Variants in RNPEPL1 observed in about 807,000 individuals in gnomAD.
RNPEPL1 encodes the protein aminopeptidase RNPEPL1.
Under a neutral mutation model 69.0 loss-of-function variants are expected in RNPEPL1, and 46 were observed. That is an observed-to-expected ratio of 0.67 (90% confidence interval 0.53 to 0.85). The LOEUF (loss-of-function observed/expected upper bound fraction) is 0.85, where lower values mean the gene tolerates loss of function less well. RNPEPL1 is among the 40% of genes least tolerant of loss of function. RNPEPL1 has a pLI of 0.00. For synonymous variants in RNPEPL1, 525 were observed against 454.1 expected (o/e 1.16, Z -1.98); for missense variants, 869 against 992.5 (o/e 0.88, Z 1.67).
chr2:240,573,779 C>T lies in RNPEPL1; in HGVS notation c.826C>T (p.Arg276Cys), dbSNP rs765362932. 5.2e-6 allele frequency: 8 copies of T among 1,537,430 alleles called. No individual in the cohort carries two copies. The South Asian group carries it at 7.3e-5, about 14-fold the overall frequency. ...LKPADIGPRS[R>C]VWAEPCLLPT... ...CACCCTCTCTGCATGCACCAGGAGC[C>T]GCGTGTGGGCCGAGCCATGCCTCCT... The change falls in exon 4 of 11, where the codon CGC (arginine) becomes TGC (cysteine). Residue 276 changes from arginine (R) to cysteine (C), a missense_variant. Arg to Cys is a radical substitution (Grantham distance 180). Transcript: ENST00000270357.
intron 10 of RNPEPL1, 60 bp from the exon 11 acceptor site, chr2:240,577,539 G>T (rs1160952492): frequency 6.7e-7 from 1 of 1,497,326 alleles, no homozygotes; most frequent in South Asian, 1.3e-5. Context: ...GGGCTGGCAG[G>T]GTGGGCTGGC....
At position 240,574,194 on chromosome 2, in the gene RNPEPL1, C is replaced by T. The variant is rs762161658; in HGVS notation, c.1020C>T (p.Ile340=). Residue 340 remains isoleucine, a synonymous_variant, in exon 5 of 11, where the codon ATC becomes ATT. Transcript: ENST00000270357. ...GCCTCACCTTCATCATCTCCTCCAT[C>T]CTGGAGAGCGATGAGTTCCTGGTCA... ...NPCLTFIISS[I]LESDEFLVID... The T allele has an allele frequency of 1.1e-5, 18 of 1,613,544 alleles. No individual in the cohort carries two copies. The highest frequency in any genetic ancestry group is 1.5e-5 in the Non-Finnish European group (18 of 1,179,948).
intron 3 of RNPEPL1, 141 bp downstream of exon 3, chr2:240,573,402 C>A: frequency 1.8e-6 from 1 of 566,630 alleles, no homozygotes; most frequent in Non-Finnish European, 2.6e-6. Flanking sequence ...CTGCCCCTGC[C>A]TTGGTGCCAC....
At chr2:240,574,942 G>A (rs2093033368) in intron 6 of RNPEPL1, 88 bp from the exon 7 acceptor site, 1 of 1,009,156 alleles carries the variant, frequency 9.9e-7, no homozygotes, top group Non-Finnish European at 1.6e-6. Flanking sequence ...GGCCCTTGCT[G>A]CTCCTCGGAG....
intron 8 of RNPEPL1, 106 bp from the exon 9 acceptor site, chr2:240,576,429 G>T: frequency 9.1e-7 from 1 of 1,104,780 alleles, no homozygotes. Flanking sequence ...CCTGGAACAG[G>T]CCACCTGCCT....
Position 240,577,779 on chromosome 2 carries a change from A to G in RNPEPL1, c.2065A>G (p.Thr689Ala). The G allele has an allele frequency of 6.2e-7, 1 of 1,611,800 alleles. No homozygotes were observed. The highest frequency in any genetic ancestry group is 8.5e-7 in the Non-Finnish European group (1 of 1,179,252). The change falls in exon 11 of 11, where the codon ACG becomes GCG. Residue 689 changes from threonine to alanine, a missense_variant. Thr to Ala is a moderately conservative substitution (Grantham distance 58, BLOSUM62 0). Coordinates refer to ENST00000270357, the MANE Select transcript of RNPEPL1 (RefSeq NM_018226.6). Reference sequence around the variant, plus strand: ...CACAGAGCCCGCCTCAGAGCCCAGCACGGAGCTGGGCAAGGCTGAAGCAGA... The same window carrying G: ...CACAGAGCCCGCCTCAGAGCCCAGCGCGGAGCTGGGCAAGGCTGAAGCAGA... ...SSTEPASEPS[T>A]ELGKAEADTD...
intron 1 of RNPEPL1, 83 bp from the exon 2 acceptor site, chr2:240,572,340 C>T: frequency 6.8e-7 from 1 of 1,464,242 alleles, no homozygotes; most frequent in Non-Finnish European, 9.2e-7. Flanking sequence ...GAGCCTCCTG[C>T]CTTCTCTCAG....
At chr2:240,575,410 G>A (rs1225223422) in intron 7 of RNPEPL1, 92 bp from the exon 8 acceptor site, 2 of 1,109,376 alleles carry the variant, frequency 1.8e-6, no homozygotes, top group Non-Finnish European at 2.7e-6. Flanking sequence ...CACGTACCTT[G>A]GCGCACGCCC....
chr2:240,577,993 GC>G lies in RNPEPL1; in HGVS notation c.*104del. The stretch of plus-strand genomic sequence containing the variant: ...CGTCTCGGCTCTGGCCATGAGCTCT[GC>G]CCAGGCCCACAAGCCCCTCCCCTGG... On this transcript the variant is annotated 3_prime_UTR_variant, in exon 11 of 11. Transcript: ENST00000270357. The G allele has an allele frequency of 8.2e-7, 1 of 1,222,502 alleles. No individual in the cohort carries two copies. Among genetic ancestry groups the G allele is most frequent in the Non-Finnish European group, 1.1e-6 (1 of 918,980 alleles). 75.7% of individuals were successfully genotyped at this position (1,222,502 alleles called of 1,614,324 possible). A position where few individuals can be genotyped will look rare whatever the true frequency, so the allele number is the denominator to read the frequency against.
At chr2:240,574,928 G>T in intron 6 of RNPEPL1, 102 bp from the exon 7 acceptor site, 1 of 886,206 alleles carries the variant, frequency 1.1e-6, no homozygotes, top group South Asian at 1.4e-5. Flanking sequence ...GGACAGTGGC[G>T]CTTGGCCCTT....
chr2:240,575,470 A>T, intron 7 of RNPEPL1, 32 bp from the exon 8 acceptor site: 1 of 1,584,502 alleles, frequency 6.3e-7, no homozygotes, highest in Non-Finnish European at 8.7e-7. Flanking sequence ...CCACCCTTCC[A>T]GGCCTGCTGA....
chr2:240,573,411 A>ACCGCCAGGGCCCTGC (rs1230836789), intron 3 of RNPEPL1, 150 bp downstream of exon 3: 49 of 402,732 alleles, frequency 1.2e-4, no homozygotes, highest in Non-Finnish European at 1.5e-4. Flanking sequence ...CCTTGGTGCC[A>ACCGCCAGGGCCCTGC]CCGCCAGGGC....
In RNPEPL1 at chr2:240,573,772, C is replaced by T. The variant is rs1370453670; in HGVS notation, c.822-3C>T. On this transcript the variant is annotated splice_polypyrimidine_tract_variant and splice_region_variant and intron_variant, in intron 3 of 10. Transcript: ENST00000270357. ...CTCAGCTCACCCTCTCTGCATGCAC[C>T]AGGAGCCGCGTGTGGGCCGAGCCAT... 15 of 1,532,432 alleles carry T rather than the reference C, an allele frequency of 9.8e-6. 1 individual carries two copies. The Admixed American group carries it at 3.0e-4, about 31-fold the overall frequency. 94.9% of individuals were successfully genotyped at this position (1,532,432 alleles called of 1,614,324 possible).
At chr2:240,569,263 G>A in intron 1 of RNPEPL1, 149 bp downstream of exon 1, 1 of 885,412 alleles carries the variant, frequency 1.1e-6, no homozygotes, top group Non-Finnish European at 1.6e-6. Flanking sequence ...TGTTGCCTGT[G>A]AGCCCTTAGG....
In RNPEPL1 at chr2:240,568,803, CG is replaced by C; in HGVS notation, c.218del (p.Arg73ProfsTer112). Reference sequence around the variant, plus strand: ...GCTGTGCGCGCTGCGGCCCGCGCCCCGCGCGCTCGTGCTCGACGCGCACCCG... The same window carrying C: ...GCTGTGCGCGCTGCGGCCCGCGCCCCCGCGCTCGTGCTCGACGCGCACCCG... ...LELCALRPAPRALVLDAHPAL... is the reference protein window; with the variant it reads ...LELCALRPAPXALVLDAHPAL... On this transcript the variant is annotated frameshift_variant, in exon 1 of 11. Transcript: ENST00000270357. LOFTEE classifies it high-confidence loss of function. The surrounding 1 kb of genome is among the most constrained non-coding windows in gnomAD (Gnocchi z 6.2). 9.2e-7 allele frequency: 1 copy of C among 1,091,454 alleles called. No individual in the cohort carries two copies. The highest frequency in any genetic ancestry group is 1.1e-6 in the Non-Finnish European group (1 of 897,254). 67.6% of individuals were successfully genotyped at this position (1,091,454 alleles called of 1,614,324 possible). A position where few individuals can be genotyped will look rare whatever the true frequency, so the allele number is the denominator to read the frequency against.
intron 8 of RNPEPL1, chr2:240,576,267 C>T (rs950276043): frequency 9.1e-6 from 5 of 552,060 alleles, no homozygotes; most frequent in African/African-American, 3.8e-5. Context: ...ACTTCATTGT[C>T]TTCCACCCAG....
chr2:240,572,581 G>C lies in RNPEPL1; in HGVS notation c.669+18G>C, dbSNP rs997953068. ...TCGTCAAGGTCAGGGGCCGCCAGCT[G>C]CCGTCACCTTGCTCCCAGGACAGCC... On this transcript the variant is annotated intron_variant, in intron 2 of 10. Coordinates refer to ENST00000270357, the MANE Select transcript of RNPEPL1 (RefSeq NM_018226.6). 6 of 1,535,710 alleles carry C rather than the reference G, an allele frequency of 3.9e-6. No individual in the cohort carries two copies. In the African/African-American group the frequency reaches 6.8e-5, roughly 18 times the overall value.
At position 240,580,469 on chromosome 2, in the gene RNPEPL1, G is replaced by A. The variant is rs1270781101; in HGVS notation, c.*2577G>A. The A allele has an allele frequency of 1.3e-5, 2 of 152,330 alleles. No individual in the cohort carries two copies. Among genetic ancestry groups the A allele is most frequent in the East Asian group, 1.9e-4 (1 of 5,198 alleles). 9.4% of individuals were successfully genotyped at this position (152,330 alleles called of 1,614,324 possible). A position where few individuals can be genotyped will look rare whatever the true frequency, so the allele number is the denominator to read the frequency against. On this transcript the variant is annotated 3_prime_UTR_variant, in exon 11 of 11. Transcript: ENST00000270357. ...AGCCACACAACTATGAAGCGCAGAC[G>A]TCTCACACAACAAAGCTTTCTCATG...
chr2:240,574,844 G>A, intron 6 of RNPEPL1, 186 bp from the exon 7 acceptor site: 2 of 660,416 alleles, frequency 3.0e-6, no homozygotes, highest in Non-Finnish European at 5.4e-6. Flanking sequence ...TCACAGTGGT[G>A]TGTGAGTCCT....
Sources: allele counts gnomAD v4.1 joint callset, GRCh38; gene constraint gnomAD v4.1.1; non-coding constraint Gnocchi (gnomAD v3.1); transcripts MANE v1.5; gene names NCBI Gene and HGNC (gene_info 2026-07-23, HGNC 2026-07-21).